The following MBP variants were observed in gnomAD, a reference collection of about 807,000 sequenced individuals.
MBP encodes the protein myelin basic protein.
A neutral mutation model predicts 35.8 loss-of-function variants in MBP; 16 were observed. The observed-to-expected ratio is 0.45, with a 90% CI of 0.30 to 0.68. The LOEUF (loss-of-function observed/expected upper bound fraction) is 0.68. MBP is among the 30% of genes least tolerant of loss of function. The probability of loss-of-function intolerance (pLI) is 0.08; values close to 1 mark genes in which losing one functional copy is unlikely to be tolerated. For missense variants in MBP, 380 were observed against 404.7 expected (o/e 0.94, Z 0.52); for synonymous variants, 143 against 159.6 (o/e 0.90, Z 0.78).
intron 3 of MBP, among the ~76,000 whole-genome samples, chr18:77,058,390 A>G (rs1225969444): frequency 6.6e-6 from 1 of 152,176 alleles, no homozygotes. Context: ...GTTCAGGCTG[A>G]CAGCCCGGCC....
chr18:76,994,529 C>T (rs908148628), intron 4 of MBP, among the ~76,000 whole-genome samples: 2 of 152,142 alleles, frequency 1.3e-5, no homozygotes, highest in Non-Finnish European at 2.9e-5. Flanking sequence ...TAATGCTTCA[C>T]ATGTGAATTA....
At chr18:77,038,202 C>T (rs957308091) in intron 3 of MBP, among the ~76,000 whole-genome samples, 3 of 152,206 alleles carry the variant, frequency 2.0e-5, no homozygotes, top group African/African-American at 7.2e-5. Context: ...GAAACCTTAG[C>T]TTCAAGGGAT....
At chr18:77,127,069 G>A (rs1419338453) in intron 1 of MBP, among the ~76,000 whole-genome samples, 3 of 152,180 alleles carry the variant, frequency 2.0e-5, no homozygotes, top group African/African-American at 7.2e-5. Context: ...ACCTACAATA[G>A]CTAACATAAG....
At chr18:76,991,107 GC>G (rs1969884938) in intron 4 of MBP, among the ~76,000 whole-genome samples, 1 of 152,312 alleles carries the variant, frequency 6.6e-6, no homozygotes, top group African/African-American at 2.4e-5. Context: ...CAGCTCATGG[GC>G]TTTGACGCGG....
In MBP at chr18:76,980,357, A is replaced by C. The variant is rs750295461; in HGVS notation, c.*70T>G. On this transcript the variant is annotated 3_prime_UTR_variant, in exon 9 of 9. Coordinates refer to ENST00000355994, the MANE Select transcript of MBP (RefSeq NM_001025101.2). ...TCTGCTCTAATTAGGTAACAGGGGC[A>C]AGTGGGATTAAAGTTTTAAGGCAGT... is the stretch of plus-strand genomic sequence containing the variant. 7.2e-6 allele frequency: 10 copies of C among 1,389,026 alleles called. No homozygotes were observed. In the East Asian group the frequency reaches 2.3e-4, roughly 32 times the overall value. 86.0% of individuals were successfully genotyped at this position (1,389,026 alleles called of 1,614,324 possible).
Position 77,102,149 on chromosome 18 carries a change from C to T in MBP, c.51+3062G>A, listed in dbSNP as rs966486497. 1.4e-4 allele frequency among the ~76,000 whole-genome samples: 21 copies of T among 151,770 alleles called. No individual in the cohort carries two copies. Among genetic ancestry groups the T allele is most frequent in the African/African-American group, 5.1e-4 (21 of 41,186 alleles). On this transcript the variant is annotated intron_variant, in intron 2 of 8. Coordinates refer to ENST00000355994, the MANE Select transcript of MBP (RefSeq NM_001025101.2). This position sits in a 1 kb window ranked among gnomAD's most constrained non-coding sequence, Gnocchi z 4.4. ...GGGTGGGGAGAGGTGGAGAAGGTGG[C>T]AGCAGGGTGGGAAGGAGGGGGCCCT...
intron 4 of MBP, among the ~76,000 whole-genome samples, chr18:76,999,084 C>T (rs1293094803): frequency 6.6e-6 from 1 of 151,828 alleles, no homozygotes; most frequent in African/African-American, 2.4e-5. Flanking sequence ...TTCTGTCACA[C>T]CTTATGATAA....
At chr18:77,096,514 T>A (rs1017916506) in intron 2 of MBP, among the ~76,000 whole-genome samples, 1 of 152,192 alleles carries the variant, frequency 6.6e-6, no homozygotes, top group Non-Finnish European at 1.5e-5. Flanking sequence ...AATAAGTTAC[T>A]CTCCACTGTA....
At chr18:77,023,590 C>A (rs17060251) in intron 3 of MBP, among the ~76,000 whole-genome samples, 2,564 of 152,284 alleles carry the variant, frequency 0.017, 76 homozygotes, top group African/African-American at 0.058. Context: ...CTAACTCATG[C>A]GCCTGCACGG....
chr18:77,115,452 T>A (rs561346470), intron 1 of MBP: 1 of 152,292 alleles, frequency 6.6e-6, no homozygotes, highest in East Asian at 1.9e-4. Flanking sequence ...CAGGTTCCTA[T>A]TACGGAGTCC....
At chr18:77,056,172 C>T (rs1973712165) in intron 3 of MBP, among the ~76,000 whole-genome samples, 1 of 152,210 alleles carries the variant, frequency 6.6e-6, no homozygotes, top group African/African-American at 2.4e-5. Flanking sequence ...CTTTGGGGAA[C>T]ACACTGTTGC....
At position 77,042,823 on chromosome 18, in the gene MBP, T is replaced by C. The variant is rs182660487; in HGVS notation, c.139+23475A>G. Among the ~76,000 whole-genome samples, 6 of 152,372 alleles carry C rather than the reference T, an allele frequency of 3.9e-5. No homozygotes were observed. In the East Asian group the frequency reaches 7.7e-4, roughly 20 times the overall value. On this transcript the variant is annotated intron_variant, in intron 3 of 8. Transcript: ENST00000355994. ...CCAGCTCGTGTTAGCTACTATTTTTTAAGGATAAAAATAACTTAAAAGCTC... is the reference window on the plus strand; with the variant it reads ...CCAGCTCGTGTTAGCTACTATTTTTCAAGGATAAAAATAACTTAAAAGCTC...
intron 3 of MBP, among the ~76,000 whole-genome samples, chr18:77,064,953 T>G (rs1379086638): frequency 6.6e-6 from 1 of 152,200 alleles, no homozygotes; most frequent in Non-Finnish European, 1.5e-5. Flanking sequence ...CAAAGAGCTG[T>G]GCACAGCAGA....
intron 2 of MBP, among the ~76,000 whole-genome samples, chr18:77,070,891 A>T (rs933671778): frequency 3.3e-5 from 5 of 152,182 alleles, no homozygotes; most frequent in African/African-American, 9.6e-5. Context: ...GTTGGTTTTG[A>T]GGACCCCGCT....
chr18:77,031,290 A>T (rs1972532045), intron 3 of MBP, among the ~76,000 whole-genome samples: 1 of 152,206 alleles, frequency 6.6e-6, no homozygotes, highest in Non-Finnish European at 1.5e-5. Context: ...GCAGTTTGGC[A>T]GATGCCAGAC....
chr18:77,055,127 C>T (rs1973670228), intron 3 of MBP, among the ~76,000 whole-genome samples: 1 of 152,230 alleles, frequency 6.6e-6, no homozygotes. Context: ...AACGGCAGCG[C>T]CGCCTGCTGC....
chr18:77,131,040 A>C lies in MBP; in HGVS notation c.-26+1540T>G, dbSNP rs1231770523. Among the ~76,000 whole-genome samples the C allele has an allele frequency of 1.3e-4, 19 of 150,792 alleles. No individual in the cohort carries two copies. Among genetic ancestry groups the C allele is most frequent in the African/African-American group, 3.7e-4 (15 of 40,962 alleles). On this transcript the variant is annotated intron_variant, in intron 1 of 8. Transcript: ENST00000355994. The surrounding 1 kb of genome is among the most constrained non-coding windows in gnomAD (Gnocchi z 5.5). The stretch of plus-strand genomic sequence containing the variant: ...GTTTTTCCCACAAAAAAAAAAAAAA[A>C]ACAAAACCTCAAAAAACAAAACACA...
chr18:77,062,067 C>T (rs112941038), intron 3 of MBP, among the ~76,000 whole-genome samples: 2,549 of 152,302 alleles, frequency 0.017, 27 homozygotes, highest in Non-Finnish European at 0.028. Context: ...ACACATGACA[C>T]GGAGTCCACA....
chr18:77,055,092 C>A (rs537886858), intron 3 of MBP, among the ~76,000 whole-genome samples: 1 of 152,232 alleles, frequency 6.6e-6, no homozygotes, highest in African/African-American at 2.4e-5. Flanking sequence ...CTTCTGGGCA[C>A]GCACATCGTG....
Sources: allele counts gnomAD v4.1 joint callset (sites outside exome capture counted in the v4.1 genomes callset), GRCh38; gene constraint gnomAD v4.1.1; non-coding constraint Gnocchi (gnomAD v3.1); transcripts MANE v1.5; gene names NCBI Gene and HGNC (gene_info 2026-07-23, HGNC 2026-07-21).